Variants in GSK3B observed in about 807,000 individuals in gnomAD.
GSK3B encodes the protein glycogen synthase kinase-3 beta.
Under a neutral mutation model 56.4 loss-of-function variants are expected in GSK3B, and 15 were observed. That is an observed-to-expected ratio of 0.27 (90% CI 0.18 to 0.41). The LOEUF (loss-of-function observed/expected upper bound fraction) is 0.41. Ranked by LOEUF, GSK3B falls within the 10% of genes least tolerant of loss-of-function variation. The pLI, the probability that GSK3B is intolerant of heterozygous loss-of-function variation, is 1.00. For synonymous variants in GSK3B, 181 were observed against 188.9 expected, an observed-to-expected ratio of 0.96 and a Z score of 0.34; for missense variants, 300 against 513.4, an observed-to-expected ratio of 0.58 and a Z score of 4.02.
chr3:120,082,001 A>G lies in GSK3B; in HGVS notation c.88+11346T>C, dbSNP rs190539025. 3.3e-5 allele frequency among the ~76,000 whole-genome samples: 5 copies of G among 152,314 alleles called. No individual in the cohort carries two copies. In the East Asian group the frequency reaches 9.6e-4, roughly 29 times the overall value. On this transcript the variant is annotated intron_variant, in intron 1 of 10. Coordinates refer to ENST00000264235, the MANE Select transcript of GSK3B (RefSeq NM_001146156.2). ...ATATGACAAAGAATATTTGCATCGA[A>G]AAAATTCCACGGAGGCCAAGGCAAT...
intron 7 of GSK3B, among the ~76,000 whole-genome samples, chr3:119,891,324 T>G (rs958840664): frequency 6.6e-6 from 1 of 151,928 alleles, no homozygotes; most frequent in African/African-American, 2.4e-5. Flanking sequence ...GTGATAGATA[T>G]GAAGAGCAAA....
chr3:119,931,272 C>T (rs555430775), intron 3 of GSK3B, among the ~76,000 whole-genome samples: 1 of 152,314 alleles, frequency 6.6e-6, no homozygotes, highest in South Asian at 2.1e-4. Context: ...TAATCTATCT[C>T]CTTTGGATTC....
rs1347061601 is a variant in GSK3B, at chr3:119,932,051, C to T, written c.367-8568G>A. Among the ~76,000 whole-genome samples the T allele has an allele frequency of 2.0e-5, 3 of 152,258 alleles. No homozygotes were observed. In the East Asian group the frequency reaches 5.8e-4, roughly 29 times the overall value. On this transcript the variant is annotated intron_variant, in intron 3 of 10. Coordinates refer to ENST00000264235, the MANE Select transcript of GSK3B (RefSeq NM_001146156.2). ...CAACAGCTGAGATAACTCCATCCTA[C>T]CTTTGGAAAACACATTAGTATGATG...
At chr3:119,836,041 G>GT (rs1487405772) in intron 10 of GSK3B, among the ~76,000 whole-genome samples, 1 of 152,142 alleles carries the variant, frequency 6.6e-6, no homozygotes, top group East Asian at 1.9e-4. Context: ...TGGTATGTAG[G>GT]TAACAGGAAT....
chr3:119,966,557 G>C (rs1268134031), intron 2 of GSK3B, among the ~76,000 whole-genome samples: 1 of 152,182 alleles, frequency 6.6e-6, no homozygotes, highest in Admixed American at 6.5e-5. Flanking sequence ...GCACAGGCAA[G>C]TACAAGTACC....
At chr3:120,008,136 A>G (rs1432053683) in intron 1 of GSK3B, among the ~76,000 whole-genome samples, 2 of 152,234 alleles carry the variant, frequency 1.3e-5, no homozygotes, top group Non-Finnish European at 2.9e-5. Context: ...CACAATGGCT[A>G]CTAAGAGAAT....
At chr3:119,962,580 G>GAA (rs111991397) in intron 2 of GSK3B, among the ~76,000 whole-genome samples, 6 of 145,324 alleles carry the variant, frequency 4.1e-5, no homozygotes, top group African/African-American at 1.5e-4. Context: ...ATCTAAATTG[G>GAA]AAAAAAAAAA....
At chr3:119,906,848 T>C (rs1235378757) in intron 6 of GSK3B, among the ~76,000 whole-genome samples, 1 of 152,044 alleles carries the variant, frequency 6.6e-6, no homozygotes, top group African/African-American at 2.4e-5. Context: ...ATTTTAAAGG[T>C]CTGATGTGGT....
intron 7 of GSK3B, among the ~76,000 whole-genome samples, chr3:119,880,287 A>G (rs892158529): frequency 6.6e-6 from 1 of 152,198 alleles, no homozygotes; most frequent in Non-Finnish European, 1.5e-5. Flanking sequence ...ATGTCTATTC[A>G]GATCTTTTGT....
At chr3:119,949,499 A>G (rs564604603) in intron 2 of GSK3B, among the ~76,000 whole-genome samples, 1 of 152,284 alleles carries the variant, frequency 6.6e-6, no homozygotes, top group South Asian at 2.1e-4. Context: ...CAGAAAGATA[A>G]TACGGCTGCA....
intron 2 of GSK3B, among the ~76,000 whole-genome samples, chr3:119,982,656 G>C (rs73175873): frequency 0.085 from 12,991 of 152,170 alleles, 689 homozygotes; most frequent in Non-Finnish European, 0.11. Context: ...GAGAAGGTTA[G>C]AGAAAAAAGA....
intron 1 of GSK3B, among the ~76,000 whole-genome samples, chr3:120,015,910 G>C (rs888078389): frequency 2.0e-5 from 3 of 152,130 alleles, no homozygotes; most frequent in African/African-American, 7.2e-5. Context: ...AGCCTTACAA[G>C]TAGTAAAACA....
At chr3:119,833,287 G>A (rs751262621) in intron 10 of GSK3B, among the ~76,000 whole-genome samples, 24 of 152,050 alleles carry the variant, frequency 1.6e-4, no homozygotes, top group Non-Finnish European at 3.2e-4. Context: ...AAATGGGTTG[G>A]GAGGAGAAGA....
intron 7 of GSK3B, among the ~76,000 whole-genome samples, chr3:119,885,263 A>G (rs1280404498): frequency 2.7e-5 from 4 of 150,024 alleles, no homozygotes; most frequent in Admixed American, 6.6e-5. Flanking sequence ...AAAATAAAAT[A>G]AAATAAAATA....
chr3:120,003,787 G>A (rs1488156542), intron 1 of GSK3B, among the ~76,000 whole-genome samples: 12 of 152,302 alleles, frequency 7.9e-5, no homozygotes, highest in African/African-American at 2.6e-4. Flanking sequence ...TTCCAAGATG[G>A]CTGAATAGGA....
At chr3:120,054,590 T>C (rs2058177936) in intron 1 of GSK3B, among the ~76,000 whole-genome samples, 1 of 152,202 alleles carries the variant, frequency 6.6e-6, no homozygotes, top group South Asian at 2.1e-4. Context: ...ATGTTTTGCT[T>C]AATTTATTTC....
chr3:119,905,642 T>C, intron 7 of GSK3B, 113 bp downstream of exon 7: 1 of 702,938 alleles, frequency 1.4e-6, no homozygotes, highest in East Asian at 2.5e-5. Flanking sequence ...TACGTGACCT[T>C]GGATTGCTTC....
At chr3:119,993,349 A>T (rs2057584476) in intron 2 of GSK3B, among the ~76,000 whole-genome samples, 1 of 152,100 alleles carries the variant, frequency 6.6e-6, no homozygotes, top group South Asian at 2.1e-4. Context: ...TAATTTTTTT[A>T]ATCAAAAAGA....
intron 7 of GSK3B, among the ~76,000 whole-genome samples, chr3:119,883,983 T>C (rs1375004629): frequency 1.3e-5 from 2 of 152,094 alleles, no homozygotes; most frequent in Non-Finnish European, 2.9e-5. Flanking sequence ...AGAAGAGAGC[T>C]TGAGGCTAAA....
Sources: allele counts gnomAD v4.1 joint callset (sites outside exome capture counted in the v4.1 genomes callset), GRCh38; gene constraint gnomAD v4.1.1; transcripts MANE v1.5; gene names NCBI Gene and HGNC (gene_info 2026-07-23, HGNC 2026-07-21).